Variants in SIPA1L3 observed in about 807,000 individuals in gnomAD.
The protein encoded by SIPA1L3 is signal-induced proliferation-associated 1-like protein 3.
A neutral mutation model predicts 150.1 loss-of-function variants in SIPA1L3; 59 were observed. The observed-to-expected ratio is 0.39, with a 90% CI of 0.32 to 0.49. SIPA1L3 has a LOEUF of 0.49. SIPA1L3 is among the 20% of genes least tolerant of loss of function. SIPA1L3 has a pLI of 0.86. For missense variants in SIPA1L3, 2,211 were observed against 2,489.5 expected (o/e 0.89, Z 2.38); for synonymous variants, 1,070 against 1,077.6 (o/e 0.99, Z 0.14).
At chr19:38,071,696 C>T (rs1600004401) in intron 2 of SIPA1L3, among the ~76,000 whole-genome samples, 2 of 152,288 alleles carry the variant, frequency 1.3e-5, no homozygotes, top group East Asian at 3.9e-4. Flanking sequence ...AGCAGGGTCC[C>T]AGGTAAGGGC....
intron 9 of SIPA1L3, 26 bp downstream of exon 9, chr19:38,119,908 G>A: frequency 1.3e-6 from 2 of 1,539,510 alleles, no homozygotes; most frequent in Non-Finnish European, 1.8e-6. Context: ...CGGCGATAGG[G>A]CGGCGATTTG....
chr19:38,125,747 G>A (rs534247579), intron 9 of SIPA1L3, among the ~76,000 whole-genome samples: 3 of 152,290 alleles, frequency 2.0e-5, no homozygotes, highest in South Asian at 2.1e-4. Flanking sequence ...CTGAACTAAC[G>A]GTATCCCATC....
rs1022072504 is a variant in SIPA1L3 at position 37,910,875 on chromosome 19, C to T, written c.-379+3517C>T. Among the ~76,000 whole-genome samples the T allele has an allele frequency of 3.9e-5, 6 of 152,274 alleles. No homozygotes were observed. The East Asian group carries it at 7.7e-4, about 20-fold the overall frequency. On this transcript the variant is annotated intron_variant, in intron 1 of 21. Transcript: ENST00000222345. ...CCTCCCAAAGTGTTGAGATTACAGG[C>T]GTGAGCCACCGTGCCTGGCCTATTG...
chr19:38,015,143 A>T (rs1568502974), intron 1 of SIPA1L3, among the ~76,000 whole-genome samples: 1 of 152,180 alleles, frequency 6.6e-6, no homozygotes, highest in Non-Finnish European at 1.5e-5. Context: ...CAAGTATCAG[A>T]TCATTTCACT....
At chr19:38,005,718 T>G (rs1967924087) in intron 1 of SIPA1L3, among the ~76,000 whole-genome samples, 1 of 152,164 alleles carries the variant, frequency 6.6e-6, no homozygotes. Flanking sequence ...GCTAAGGGAA[T>G]GAATGAAGTG....
chr19:37,920,483 G>A (rs1260661409), intron 1 of SIPA1L3, among the ~76,000 whole-genome samples: 2 of 152,158 alleles, frequency 1.3e-5, no homozygotes, highest in Non-Finnish European at 2.9e-5. Context: ...GTGCATGGGT[G>A]AATAAGAGAT....
Position 38,071,251 on chromosome 19 carries a change from ATCTATCT to A in SIPA1L3, c.-310-10004_-310-9998del, listed in dbSNP as rs1180269045. Among the ~76,000 whole-genome samples the A allele has an allele frequency of 6.0e-5, 9 of 149,184 alleles. No homozygotes were observed. In the South Asian group the frequency reaches 1.1e-3, roughly 18 times the overall value. On this transcript the variant is annotated intron_variant, in intron 2 of 21. Transcript: ENST00000222345. Reference sequence around the variant, plus strand: ...TATCTATCTATCTATCTATCTATCTATCTATCTATCTATCTGCCTGCCTACCCTACCT... The same window carrying A: ...TATCTATCTATCTATCTATCTATCTAATCTATCTGCCTGCCTACCCTACCT...
At chr19:37,928,754 A>G (rs1361565898) in intron 1 of SIPA1L3, among the ~76,000 whole-genome samples, 1 of 152,180 alleles carries the variant, frequency 6.6e-6, no homozygotes, top group East Asian at 1.9e-4. Context: ...GAGAACCATG[A>G]GCTACTGTAA....
chr19:38,050,378 C>A (rs1452822127), intron 2 of SIPA1L3, among the ~76,000 whole-genome samples: 1 of 151,740 alleles, frequency 6.6e-6, no homozygotes, highest in Non-Finnish European at 1.5e-5. Flanking sequence ...ATCCCTTGAA[C>A]CCAGGAGGCA....
intron 15 of SIPA1L3, among the ~76,000 whole-genome samples, chr19:38,169,058 G>A (rs1057080734): frequency 1.3e-5 from 2 of 152,002 alleles, no homozygotes; most frequent in African/African-American, 4.8e-5. Context: ...TACCACCTTG[G>A]ACAAGTTAAG....
At chr19:38,053,959 C>T (rs1319910499) in intron 2 of SIPA1L3, among the ~76,000 whole-genome samples, 1 of 151,838 alleles carries the variant, frequency 6.6e-6, no homozygotes, top group African/African-American at 2.4e-5. Flanking sequence ...TTGCACCAAC[C>T]AAATACAAAT....
Position 37,948,540 on chromosome 19 carries a change from C to T in SIPA1L3, c.-379+41182C>T, listed in dbSNP as rs372896138. ...CTCACATACATATTAGTCATTGTTC[C>T]TCTGTTTCCAAAGGTAGGAAGAAAG... On this transcript the variant is annotated intron_variant, in intron 1 of 21. Coordinates refer to ENST00000222345, the MANE Select transcript of SIPA1L3 (RefSeq NM_015073.3). Among the ~76,000 whole-genome samples, 38 of 152,126 alleles carry T rather than the reference C, an allele frequency of 2.5e-4. No homozygotes were observed. The East Asian group carries it at 3.9e-3, about 15-fold the overall frequency.
intron 1 of SIPA1L3, among the ~76,000 whole-genome samples, chr19:37,970,292 T>G (rs1380902751): frequency 6.6e-6 from 1 of 152,200 alleles, no homozygotes; most frequent in Non-Finnish European, 1.5e-5. Flanking sequence ...TTTGGAGTCT[T>G]GGGGCCAGTG....
Position 38,136,380 on chromosome 19 carries a change from G to A in SIPA1L3, c.3144-4804G>A, listed in dbSNP as rs770047593. 3.8e-4 allele frequency among the ~76,000 whole-genome samples: 58 copies of A among 151,752 alleles called. 1 individual carries two copies. Among genetic ancestry groups the A allele is most frequent in the Non-Finnish European group, 7.1e-4 (48 of 67,968 alleles). On this transcript the variant is annotated intron_variant, in intron 10 of 21. Coordinates refer to ENST00000222345, the MANE Select transcript of SIPA1L3 (RefSeq NM_015073.3). Reference sequence around the variant, plus strand: ...GCACTTTGGGAGGCCGAGGGAGGCGGATCACCTGAGATCAGGAGTTCAAGA... The same window carrying A: ...GCACTTTGGGAGGCCGAGGGAGGCGAATCACCTGAGATCAGGAGTTCAAGA...
intron 1 of SIPA1L3, among the ~76,000 whole-genome samples, chr19:38,021,246 G>T (rs1968366706): frequency 6.6e-6 from 1 of 152,220 alleles, no homozygotes; most frequent in Non-Finnish European, 1.5e-5. Flanking sequence ...GAATTCACAA[G>T]AGACATTGTC....
chr19:38,010,779 T>C (rs577406811), intron 1 of SIPA1L3, among the ~76,000 whole-genome samples: 2 of 152,262 alleles, frequency 1.3e-5, no homozygotes, highest in South Asian at 2.1e-4. Flanking sequence ...GAGCCTCACC[T>C]CTACTGTTAC....
intron 2 of SIPA1L3, among the ~76,000 whole-genome samples, chr19:38,040,804 A>G (rs1421074805): frequency 6.6e-6 from 1 of 152,340 alleles, no homozygotes; most frequent in East Asian, 1.9e-4. Context: ...TCAGTCGCCC[A>G]GGCTGGAGTG....
At position 37,987,934 on chromosome 19, in the gene SIPA1L3, C is replaced by A. The variant is rs151187767; in HGVS notation, c.-378-41155C>A. 1.7e-4 allele frequency among the ~76,000 whole-genome samples: 26 copies of A among 152,310 alleles called. No homozygotes were observed. In the East Asian group the frequency reaches 4.4e-3, roughly 26 times the overall value. On this transcript the variant is annotated intron_variant, in intron 1 of 21. Coordinates refer to ENST00000222345, the MANE Select transcript of SIPA1L3 (RefSeq NM_015073.3). Reference sequence around the variant, plus strand: ...TCAGAATGAAGTCACCATAAAGTCCCTTTTAATAACAGTAGAGAAGATTCT... The same window carrying A: ...TCAGAATGAAGTCACCATAAAGTCCATTTTAATAACAGTAGAGAAGATTCT...
intron 1 of SIPA1L3, among the ~76,000 whole-genome samples, chr19:37,908,380 G>A (rs2046352867): frequency 6.6e-6 from 1 of 152,138 alleles, no homozygotes; most frequent in South Asian, 2.1e-4. Flanking sequence ...TATTATAATT[G>A]TTCTTCAATA....
Sources: allele counts gnomAD v4.1 joint callset (sites outside exome capture counted in the v4.1 genomes callset), GRCh38; gene constraint gnomAD v4.1.1; transcripts MANE v1.5; gene names NCBI Gene and HGNC (gene_info 2026-07-23, HGNC 2026-07-21).